The following PFKP variants were observed in gnomAD, a reference collection of about 807,000 sequenced individuals.
The protein encoded by PFKP is ATP-dependent 6-phosphofructokinase, platelet type.
Under a neutral mutation model 94.3 loss-of-function variants are expected in PFKP, and 101 were observed. That is an observed-to-expected ratio of 1.07 (90% CI 0.91 to 1.26). PFKP has a LOEUF of 1.26. PFKP is among the 50% of genes most tolerant of loss of function. PFKP has a pLI of 0.00. For synonymous variants in PFKP, 573 were observed against 432.6 expected, an observed-to-expected ratio of 1.32 and a Z score of -4.03; for missense variants, 1,145 against 1,103.3, an observed-to-expected ratio of 1.04 and a Z score of -0.53.
chr10:3,112,375 T>C (rs1365397732), intron 11 of PFKP, 89 bp downstream of exon 11: 44 of 961,102 alleles, frequency 4.6e-5, no homozygotes, highest in Admixed American at 1.7e-4. Flanking sequence ...GTTGTGCTTA[T>C]TCCATGTCAC....
At chr10:3,113,946 AGTT>A (rs1480754962) in intron 13 of PFKP, among the ~76,000 whole-genome samples, 1 of 152,132 alleles carries the variant, frequency 6.6e-6, no homozygotes, top group Non-Finnish European at 1.5e-5. Flanking sequence ...TGCTGTATCC[AGTT>A]GTTCTGTGGG....
At chr10:3,105,602 C>A in intron 7 of PFKP, 101 bp downstream of exon 7, 1 of 803,388 alleles carries the variant, frequency 1.2e-6, no homozygotes, top group Non-Finnish European at 2.1e-6. Context: ...GAAAAAATTT[C>A]TCTGTCTCCA....
chr10:3,085,080 G>A (rs184897686), intron 2 of PFKP, among the ~76,000 whole-genome samples: 1 of 94 alleles, frequency 0.011, no homozygotes, highest in African/African-American at 0.012. Flanking sequence ...TCCCCAGCAC[G>A]GTCCCCCACT....
intron 8 of PFKP, chr10:3,107,668 T>A (rs1276899532): frequency 8.4e-5 from 75 of 893,612 alleles, no homozygotes; most frequent in Non-Finnish European, 9.5e-5. Flanking sequence ...CCCGGGCTTC[T>A]GTTTGCCACA....
At chr10:3,086,370 T>C (rs1833598996) in intron 2 of PFKP, among the ~76,000 whole-genome samples, 1 of 152,220 alleles carries the variant, frequency 6.6e-6, no homozygotes, top group Non-Finnish European at 1.5e-5. Context: ...TAGTTCACTT[T>C]CTCCGCGTCA....
chr10:3,069,278 G>A, intron 1 of PFKP: 1 of 1,503,300 alleles, frequency 6.7e-7, no homozygotes. Context: ...CTGCAGGGCT[G>A]GGTTCTCAGA....
chr10:3,104,133 C>G (rs1258400142), intron 5 of PFKP, among the ~76,000 whole-genome samples, 189 bp downstream of exon 5: 1 of 152,192 alleles, frequency 6.6e-6, no homozygotes, highest in Non-Finnish European at 1.5e-5. Flanking sequence ...TTAAAACATT[C>G]CTTGTTTTTA....
intron 10 of PFKP, among the ~76,000 whole-genome samples, chr10:3,111,696 G>T (rs10508245): frequency 0.27 from 41,569 of 152,016 alleles, 7,197 homozygotes; most frequent in Non-Finnish European, 0.39. Flanking sequence ...CCAAGATCCT[G>T]ACGTTGCCCA....
intron 16 of PFKP, among the ~76,000 whole-genome samples, chr10:3,128,480 C>G (rs1838194487): frequency 6.9e-6 from 1 of 144,982 alleles, no homozygotes; most frequent in Non-Finnish European, 1.5e-5. Context: ...ACACTGACCA[C>G]ACACCTGGGG....
chr10:3,084,307 C>G (rs551494498), intron 2 of PFKP, among the ~76,000 whole-genome samples: 10 of 152,308 alleles, frequency 6.6e-5, no homozygotes, highest in Admixed American at 3.9e-4. Flanking sequence ...CGGCGGCCTT[C>G]TGAGCACTGG....
intron 16 of PFKP, among the ~76,000 whole-genome samples, chr10:3,127,778 T>G (rs1838121055): frequency 6.6e-6 from 1 of 152,186 alleles, no homozygotes; most frequent in Non-Finnish European, 1.5e-5. Flanking sequence ...TTCTACACAA[T>G]GCAAAGTGGC....
chr10:3,075,063 G>C (rs573825668), intron 1 of PFKP, among the ~76,000 whole-genome samples: 2 of 152,330 alleles, frequency 1.3e-5, no homozygotes, highest in African/African-American at 4.8e-5. Flanking sequence ...CCAAATTAAA[G>C]GAATAGGTTG....
chr10:3,108,288 G>A (rs531544618), intron 8 of PFKP, among the ~76,000 whole-genome samples: 3 of 152,358 alleles, frequency 2.0e-5, no homozygotes, highest in Admixed American at 6.5e-5. Flanking sequence ...CGAGGGGAAC[G>A]CCTTGATTGG....
At chr10:3,108,286 A>G (rs78718270) in intron 8 of PFKP, among the ~76,000 whole-genome samples, 2,450 of 152,366 alleles carry the variant, frequency 0.016, 65 homozygotes, top group African/African-American at 0.056. Flanking sequence ...GGCGAGGGGA[A>G]CGCCTTGATT....
intron 5 of PFKP, 127 bp downstream of exon 5, chr10:3,104,071 T>G (rs1046788394): frequency 5.4e-6 from 4 of 744,264 alleles, no homozygotes; most frequent in African/African-American, 3.5e-5. Context: ...AACTTGACTT[T>G]TAGGAGCTAT....
chr10:3,120,137 T>A, intron 16 of PFKP, 93 bp downstream of exon 16: 1 of 964,304 alleles, frequency 1.0e-6, no homozygotes, highest in Non-Finnish European at 1.6e-6. Flanking sequence ...AGAAATAGCC[T>A]TTTACAAATA....
At chr10:3,133,833 A>G (rs887060967) in intron 19 of PFKP, among the ~76,000 whole-genome samples, 2 of 152,246 alleles carry the variant, frequency 1.3e-5, no homozygotes, top group Non-Finnish European at 2.9e-5. Context: ...GTCAGCTTTC[A>G]TGAAAACAGT....
intron 16 of PFKP, among the ~76,000 whole-genome samples, chr10:3,125,645 G>T (rs999651673): frequency 6.6e-6 from 1 of 152,202 alleles, no homozygotes; most frequent in African/African-American, 2.4e-5. Flanking sequence ...GTACCCACTG[G>T]GGGCCGCTGC....
At chr10:3,116,575 C>T (rs1002826580) in intron 13 of PFKP, among the ~76,000 whole-genome samples, 6 of 152,320 alleles carry the variant, frequency 3.9e-5, no homozygotes, top group East Asian at 3.9e-4. Context: ...AGCCCCTCTG[C>T]TGCTCTTCAT....
Sources: allele counts gnomAD v4.1 joint callset (sites outside exome capture counted in the v4.1 genomes callset), GRCh38; gene constraint gnomAD v4.1.1; transcripts MANE v1.5; gene names NCBI Gene and HGNC (gene_info 2026-07-23, HGNC 2026-07-21).